The following NECAP2 variants were observed in gnomAD, a reference collection of about 807,000 sequenced individuals.
NECAP2 encodes NECAP endocytosis associated 2, also known as adaptin ear-binding coat-associated protein 2.
A neutral mutation model predicts 37.8 loss-of-function variants in NECAP2; 38 were observed. That is an observed-to-expected ratio of 1.01 (90% confidence interval 0.78 to 1.32). The LOEUF (loss-of-function observed/expected upper bound fraction) is 1.32. Ranked by LOEUF, NECAP2 falls within the 40% of genes most tolerant of loss-of-function variation. The pLI, the probability that NECAP2 is intolerant of heterozygous loss-of-function variation, is 0.00. For synonymous variants in NECAP2, 121 were observed against 127.7 expected (o/e 0.95, Z 0.35); for missense variants, 316 against 334.5 (o/e 0.94, Z 0.43).
At position 16,447,961 on chromosome 1, in the gene NECAP2, C is replaced by T. The variant is rs759364698; in HGVS notation, c.285C>T (p.Ile95=). The T allele has an allele frequency of 5.7e-5, 92 of 1,613,990 alleles. No homozygotes were observed. The highest frequency in any genetic ancestry group is 1.6e-4 in the Middle Eastern group (1 of 6,084). The change falls in exon 3 of 8, where the codon ATC becomes ATT. Residue 95 remains isoleucine (I), a synonymous_variant. Transcript: ENST00000337132. ...TDSSRYFVIR[I]EDGNGRRAFI... ...CCAGCAGGTACTTCGTGATCCGCAT[C>T]GAAGATGGAAATGGTAGGCATGGGT... is the stretch of plus-strand genomic sequence containing the variant.
rs2100943843 is a variant in NECAP2, at chr1:16,443,683, C to T, written c.144C>T (p.Ile48=). The change falls in exon 2 of 8, where the codon ATC becomes ATT. Residue 48 remains isoleucine (I), a synonymous_variant. Coordinates refer to ENST00000337132, the MANE Select transcript of NECAP2 (RefSeq NM_018090.5). ...DQPSWSGRLR[I]TAKGQMAYIK... ...CATCATGGAGTGGCCGGCTGAGGAT[C>T]ACTGCAAAGGGACAGATGGCCTACA... 3 of 1,612,968 alleles carry T rather than the reference C, an allele frequency of 1.9e-6. No individual in the cohort carries two copies. The highest frequency in any genetic ancestry group is 1.1e-5 in the South Asian group (1 of 90,602).
intron 2 of NECAP2, among the ~76,000 whole-genome samples, chr1:16,447,607 T>A (rs1310420684): frequency 6.6e-6 from 1 of 152,196 alleles, no homozygotes; most frequent in East Asian, 1.9e-4. Flanking sequence ...TAATAAAGCT[T>A]AATTTTAAGA....
At chr1:16,456,779 G>T (rs1272543608) in intron 7 of NECAP2, among the ~76,000 whole-genome samples, 1 of 152,194 alleles carries the variant, frequency 6.6e-6, no homozygotes, top group Non-Finnish European at 1.5e-5. Context: ...TGTCACCCAG[G>T]CTGGAGTGCA....
intron 7 of NECAP2, among the ~76,000 whole-genome samples, chr1:16,458,400 G>A (rs1016953522): frequency 1.3e-5 from 2 of 151,946 alleles, no homozygotes; most frequent in Admixed American, 6.6e-5. Flanking sequence ...CCAGGAGTTC[G>A]AGACCAGCCT....
intron 7 of NECAP2, among the ~76,000 whole-genome samples, chr1:16,456,285 A>G (rs995061732): frequency 3.3e-5 from 5 of 152,076 alleles, no homozygotes; most frequent in African/African-American, 7.2e-5. Flanking sequence ...TCGTCCTCCC[A>G]AAGTACTGGG....
rs775655506 is a variant in NECAP2 at position 16,451,861 on chromosome 1, A to G, written c.513A>G (p.Ala171=). Residue 171 remains alanine (A), a synonymous_variant, in exon 6 of 8, where the codon GCA becomes GCG. Coordinates refer to ENST00000337132, the MANE Select transcript of NECAP2 (RefSeq NM_018090.5). ...NIANMKKKEG[A]AGNPRVRPAS... is the part of the protein sequence containing the mutation. ...AGAACATGAAGAAGAAGGAAGGAGC[A>G]GCTGGGAATCCCCGAGTCCGGCCTG... The G allele has an allele frequency of 1.5e-5, 24 of 1,614,006 alleles. No homozygotes were observed. The African/African-American group carries it at 3.1e-4, about 21-fold the overall frequency.
intron 7 of NECAP2, 135 bp downstream of exon 7, chr1:16,456,028 T>C (rs963659539): frequency 5.7e-5 from 33 of 582,316 alleles, no homozygotes; most frequent in African/African-American, 1.3e-4. Flanking sequence ...TCTTTTCTTT[T>C]TTTTTTTTTT....
intron 6 of NECAP2, among the ~76,000 whole-genome samples, chr1:16,455,121 C>A (rs2086898228): frequency 6.6e-6 from 1 of 152,198 alleles, no homozygotes; most frequent in African/African-American, 2.4e-5. Context: ...TGGCCCAGAG[C>A]AGATTAGAAA....
rs1327298464 is a variant in NECAP2 at position 16,448,105 on chromosome 1, C to T, written c.344C>T (p.Ala115Val). The T allele has an allele frequency of 3.7e-6, 6 of 1,614,122 alleles. No individual in the cohort carries two copies. The highest frequency in any genetic ancestry group is 1.7e-6 in the Non-Finnish European group (2 of 1,180,030). ...ATTGGCTTCGGGGACCGAGGTGATG[C>T]CTTTGACTTCAATGTTGCATTGCAG... The part of the protein sequence containing the change: ...IGIGFGDRGD[A>V]FDFNVALQDH... The change falls in exon 4 of 8, where the codon GCC becomes GTC. Residue 115 changes from alanine (A) to valine (V), a missense_variant. This residue lies in a region of NECAP2 where 204 missense variants were observed against 188.6 expected (regional missense o/e 1.08). Transcript: ENST00000337132.
At chr1:16,458,241 G>A (rs748299590) in intron 7 of NECAP2, among the ~76,000 whole-genome samples, 1 of 152,122 alleles carries the variant, frequency 6.6e-6, no homozygotes, top group Non-Finnish European at 1.5e-5. Flanking sequence ...CAGCCTCAAA[G>A]AGCATGTTTA....
chr1:16,457,111 A>G (rs904896851), intron 7 of NECAP2, among the ~76,000 whole-genome samples: 4 of 152,204 alleles, frequency 2.6e-5, no homozygotes, highest in African/African-American at 4.8e-5. Flanking sequence ...GCCACAGACA[A>G]TATGTAAATA....
chr1:16,444,916 A>G (rs977039128), intron 2 of NECAP2, among the ~76,000 whole-genome samples: 3 of 152,176 alleles, frequency 2.0e-5, no homozygotes, highest in Admixed American at 6.5e-5. Flanking sequence ...TCTGCCTCAC[A>G]GGTTCAAGCA....
At position 16,460,052 on chromosome 1, in the gene NECAP2, A is replaced by G. The variant is rs763278635; in HGVS notation, c.*1162A>G. ...CTTTTTGCGGGACCAGATTTTTAAGATAAAATAAATATTTTTACTTCTGTC... is the reference window on the plus strand; with the variant it reads ...CTTTTTGCGGGACCAGATTTTTAAGGTAAAATAAATATTTTTACTTCTGTC... On this transcript the variant is annotated 3_prime_UTR_variant, in exon 8 of 8. Transcript: ENST00000337132. 2.6e-5 allele frequency: 4 copies of G among 152,220 alleles called. No homozygotes were observed. The highest frequency in any genetic ancestry group is 5.9e-5 in the Non-Finnish European group (4 of 68,044). 9.4% of individuals were successfully genotyped at this position (152,220 alleles called of 1,614,324 possible).
chr1:16,448,025 T>C, intron 3 of NECAP2, 35 bp from the exon 4 acceptor site: 1 of 1,614,042 alleles, frequency 6.2e-7, no homozygotes, highest in South Asian at 1.1e-5. Context: ...TTTCTCTGCC[T>C]TTGGAAGGTG....
intron 1 of NECAP2, among the ~76,000 whole-genome samples, chr1:16,442,770 T>A (rs371355760): frequency 2.6e-5 from 4 of 152,198 alleles, no homozygotes; most frequent in South Asian, 2.1e-4. Context: ...TAATTTTTTT[T>A]AATTGGCCTG....
chr1:16,452,843 G>A (rs1486179527), intron 6 of NECAP2, among the ~76,000 whole-genome samples: 3 of 147,798 alleles, frequency 2.0e-5, no homozygotes, highest in African/African-American at 4.9e-5. Context: ...TGTCACCAGC[G>A]TGCCTTCTGC....
At chr1:16,444,944 C>T (rs1373070762) in intron 2 of NECAP2, among the ~76,000 whole-genome samples, 3 of 152,238 alleles carry the variant, frequency 2.0e-5, no homozygotes, top group Non-Finnish European at 4.4e-5. Flanking sequence ...GCCTCAGCCT[C>T]TCGGGTAGCT....
chr1:16,447,835 C>T, intron 2 of NECAP2, 35 bp from the exon 3 acceptor site: 2 of 1,574,830 alleles, frequency 1.3e-6, no homozygotes, highest in South Asian at 1.1e-5. Flanking sequence ...GAAGGGGGCT[C>T]AGGGCTCAGC....
chr1:16,447,652 T>C (rs1002351724), intron 2 of NECAP2, among the ~76,000 whole-genome samples: 5 of 152,248 alleles, frequency 3.3e-5, no homozygotes, highest in African/African-American at 1.2e-4. Context: ...TGAGCTAAAT[T>C]TGACCTGTAA....
Sources: gnomAD v4.1 joint callset for allele counts (sites outside exome capture counted in the v4.1 genomes callset) on GRCh38, gnomAD v4.1.1 for gene constraint, gnomAD v4.1.1 regional missense constraint, MANE v1.5 for transcripts, NCBI Gene and HGNC (gene_info 2026-07-23, HGNC 2026-07-21) for gene names.